The following NAPG variants were observed in gnomAD, a reference collection of about 807,000 sequenced individuals.
NAPG encodes the protein NSF attachment protein gamma, also known as gamma-soluble NSF attachment protein.
A neutral mutation model predicts 48.4 loss-of-function variants in NAPG; 25 were observed. The observed-to-expected ratio is 0.52, with a 90% CI of 0.38 to 0.72. NAPG has a LOEUF of 0.72. Ranked by LOEUF, NAPG falls within the 30% of genes least tolerant of loss-of-function variation. The pLI is 0.00. For missense variants in NAPG, 359 were observed against 372.5 expected (o/e 0.96, Z 0.30); for synonymous variants, 139 against 127.2 (o/e 1.09, Z -0.62).
rs767190093 is a variant in NAPG at position 10,540,402 on chromosome 18, A to C, written c.506+3A>C. 7.4e-6 allele frequency: 12 copies of C among 1,611,176 alleles called. 1 individual carries two copies. In the South Asian group the frequency reaches 1.3e-4, roughly 18 times the overall value. ...AGACTACTAGTACGAGGACGTAGGT[A>C]TGTCTTTAAAAACTATTGCTGTGTG... On this transcript the variant is annotated splice_donor_region_variant and intron_variant, in intron 8 of 11. Transcript: ENST00000322897.
rs570393173 is a variant in NAPG at position 10,549,832 on chromosome 18, A to G, written c.796-245A>G. On this transcript the variant is annotated intron_variant, in intron 11 of 11. Coordinates refer to ENST00000322897, the MANE Select transcript of NAPG (RefSeq NM_003826.3). ...ATAACGTCTTACATAGGTTTTGAAA[A>G]TATATATATTTCTAAAGTTTTAATT... 1.1e-4 allele frequency among the ~76,000 whole-genome samples: 16 copies of G among 152,152 alleles called. No individual in the cohort carries two copies. The South Asian group carries it at 1.2e-3, about 12-fold the overall frequency.
chr18:10,551,121 G>T lies in NAPG; in HGVS notation c.*901G>T, dbSNP rs1451959636. ...TAATTTTTTTTTTATTTTTTTTGTT[G>T]AGATGGAGTTGCTCCATGTTGCACA... On this transcript the variant is annotated 3_prime_UTR_variant, in exon 12 of 12. Coordinates refer to ENST00000322897, the MANE Select transcript of NAPG (RefSeq NM_003826.3). 9 of 148,814 alleles carry T rather than the reference G, an allele frequency of 6.0e-5. No individual in the cohort carries two copies. Among genetic ancestry groups the T allele is most frequent in the African/African-American group, 1.7e-4 (7 of 40,440 alleles). 9.2% of individuals were successfully genotyped at this position (148,814 alleles called of 1,614,324 possible). A position where few individuals can be genotyped will look rare whatever the true frequency, so the allele number is the denominator to read the frequency against.
At chr18:10,532,936 T>A in intron 3 of NAPG, 141 bp downstream of exon 3, 1 of 779,794 alleles carries the variant, frequency 1.3e-6, no homozygotes, top group Non-Finnish European at 2.0e-6. Context: ...TCTGTATTTT[T>A]AAACTATGAA....
rs2032218109 is a variant in NAPG at position 10,544,355 on chromosome 18, T to C, written c.507-1971T>C. 6.6e-6 allele frequency among the ~76,000 whole-genome samples: 1 copy of C among 152,184 alleles called. No individual in the cohort carries two copies. The highest frequency in any genetic ancestry group is 2.4e-5 in the African/African-American group (1 of 41,456). The stretch of plus-strand genomic sequence containing the variant: ...GAGCTAGGGTCTCACCAGGCCGAAA[T>C]GAAGGTGTCGGAGGGGGCTGATCTC... On this transcript the variant is annotated intron_variant, in intron 8 of 11. Coordinates refer to ENST00000322897, the MANE Select transcript of NAPG (RefSeq NM_003826.3). The surrounding 1 kb of genome is among the most constrained non-coding windows in gnomAD (Gnocchi z 5.1).
chr18:10,541,294 A>C (rs1327172650), intron 8 of NAPG, among the ~76,000 whole-genome samples: 2 of 152,226 alleles, frequency 1.3e-5, no homozygotes, highest in Non-Finnish European at 2.9e-5. Flanking sequence ...ATGGAATAGA[A>C]ATTTCATTTT....
At chr18:10,532,219 T>TA (rs140053622) in intron 2 of NAPG, among the ~76,000 whole-genome samples, 8,548 of 152,200 alleles carry the variant, frequency 0.056, 720 homozygotes, top group African/African-American at 0.18. Flanking sequence ...ATTGTTTTTT[T>TA]AAAAAAATGC....
chr18:10,534,970 A>G lies in NAPG; in HGVS notation c.258+474A>G, dbSNP rs2032002475. Among the ~76,000 whole-genome samples, 1 of 152,238 alleles carries G rather than the reference A, an allele frequency of 6.6e-6. No individual in the cohort carries two copies. Among genetic ancestry groups the G allele is most frequent in the African/African-American group, 2.4e-5 (1 of 41,466 alleles). Reference sequence around the variant, plus strand: ...CATTCTGCATGGAATATTCCAACTAATGTACCTGTGCCACTGTTTGTACTT... The same window carrying G: ...CATTCTGCATGGAATATTCCAACTAGTGTACCTGTGCCACTGTTTGTACTT... On this transcript the variant is annotated intron_variant, in intron 5 of 11. Transcript: ENST00000322897. The surrounding 1 kb of genome is among the most constrained non-coding windows in gnomAD (Gnocchi z 5.0).
At chr18:10,545,220 G>A (rs1567893354) in intron 8 of NAPG, among the ~76,000 whole-genome samples, 2 of 152,110 alleles carry the variant, frequency 1.3e-5, no homozygotes, top group African/African-American at 4.8e-5. Context: ...GCTGAGGCAA[G>A]AGAATCACTT....
Position 10,542,832 on chromosome 18 carries a change from T to C in NAPG, c.506+2433T>C, listed in dbSNP as rs966541022. Among the ~76,000 whole-genome samples, 1 of 152,190 alleles carries C rather than the reference T, an allele frequency of 6.6e-6. No individual in the cohort carries two copies. The highest frequency in any genetic ancestry group is 2.4e-5 in the African/African-American group (1 of 41,440). The stretch of plus-strand genomic sequence containing the variant: ...AATTCAGAAGTGATTCGTAGTTTCA[T>C]TTAGATTACATCTGGGAAAAGTCAG... On this transcript the variant is annotated intron_variant, in intron 8 of 11. Transcript: ENST00000322897. This position sits in a 1 kb window ranked among gnomAD's most constrained non-coding sequence, Gnocchi z 4.5.
In NAPG at chr18:10,546,374, G is replaced by C; in HGVS notation, c.555G>C (p.Lys185Asn). The C allele has an allele frequency of 1.3e-6, 2 of 1,572,354 alleles. No individual in the cohort carries two copies. The highest frequency in any genetic ancestry group is 1.7e-6 in the Non-Finnish European group (2 of 1,154,242). ...LSIQKEKNIY[K>N]EIENYPTCYK... ...TTCAGAAAGAAAAAAATATTTATAA[G>C]GAAATTGAGAATTATCCAACTTGTT... Residue 185 changes from lysine (K) to asparagine (N), a missense_variant, in exon 9 of 12, where the codon AAG (lysine) becomes AAC (asparagine). Coordinates refer to ENST00000322897, the MANE Select transcript of NAPG (RefSeq NM_003826.3). This position sits in a 1 kb window ranked among gnomAD's most constrained non-coding sequence, Gnocchi z 4.0.
chr18:10,549,223 C>T, intron 11 of NAPG, 127 bp downstream of exon 11: 1 of 1,106,290 alleles, frequency 9.0e-7, no homozygotes, highest in South Asian at 1.7e-5. Flanking sequence ...CAAGCTACTA[C>T]TCATAAGGAA....
At chr18:10,527,970 G>C (rs1292251210) in intron 1 of NAPG, among the ~76,000 whole-genome samples, 1 of 152,104 alleles carries the variant, frequency 6.6e-6, no homozygotes, top group Non-Finnish European at 1.5e-5. Context: ...TGGATCACTT[G>C]AGGTCAGGAG....
At chr18:10,533,063 G>A (rs2031962341) in intron 3 of NAPG, 1 of 367,698 alleles carries the variant, frequency 2.7e-6, no homozygotes, top group African/African-American at 2.1e-5. Flanking sequence ...ATGAAGTAAA[G>A]TAAATCTGTA....
Position 10,550,201 on chromosome 18 carries a change from A to T in NAPG, c.920A>T (p.Tyr307Phe). ...GCTGCTGATGAAGAGGAAGATGAAT[A>T]CTCAGGAGGACTATGCTAGTATTTT... The part of the protein sequence containing the change: ...ATAADEEEDE[Y>F]SGGLC Residue 307 changes from tyrosine (Y) to phenylalanine (F), a missense_variant, in exon 12 of 12, where the codon TAC becomes TTC. Coordinates refer to ENST00000322897, the MANE Select transcript of NAPG (RefSeq NM_003826.3). 6.3e-7 allele frequency: 1 copy of T among 1,587,540 alleles called. No individual in the cohort carries two copies. Among genetic ancestry groups the T allele is most frequent in the Non-Finnish European group, 8.6e-7 (1 of 1,169,102 alleles).
In NAPG at chr18:10,550,023, A is replaced by G. The variant is rs2032353823; in HGVS notation, c.796-54A>G. 11 of 1,475,688 alleles carry G rather than the reference A, an allele frequency of 7.5e-6. No individual in the cohort carries two copies. In the South Asian group the frequency reaches 1.0e-4, roughly 14 times the overall value. The allele number at this position is 1,475,688 out of a possible 1,614,324, so 91.4% of individuals were successfully genotyped here. A position where few individuals can be genotyped will look rare whatever the true frequency, so the allele number is the denominator to read the frequency against. On this transcript the variant is annotated intron_variant, in intron 11 of 11. Transcript: ENST00000322897. ...CTGTGTCTTTTTAGAGCTGAGTAAA[A>G]CATGTTAGGATTCTAGTTATCCAGC...
chr18:10,548,815 G>A lies in NAPG; in HGVS notation c.666-152G>A, dbSNP rs944997872. On this transcript the variant is annotated intron_variant, in intron 10 of 11. Coordinates refer to ENST00000322897, the MANE Select transcript of NAPG (RefSeq NM_003826.3). This position sits in a 1 kb window ranked among gnomAD's most constrained non-coding sequence, Gnocchi z 4.4. ...CTGTAGGCTGGTTAGCGGGATCCCC[G>A]GTCTCTGCCCTCTAGATGCCACTAG... 2.6e-5 allele frequency among the ~76,000 whole-genome samples: 4 copies of A among 151,970 alleles called. No individual in the cohort carries two copies. The highest frequency in any genetic ancestry group is 7.3e-5 in the African/African-American group (3 of 41,360).
At chr18:10,527,750 A>G (rs1223057502) in intron 1 of NAPG, among the ~76,000 whole-genome samples, 2 of 152,194 alleles carry the variant, frequency 1.3e-5, no homozygotes, top group South Asian at 2.1e-4. Context: ...CTCTGGGAAC[A>G]GTGAATGTAG....
chr18:10,534,606 G>A lies in NAPG; in HGVS notation c.258+110G>A, dbSNP rs1459249781. On this transcript the variant is annotated intron_variant, in intron 5 of 11. Coordinates refer to ENST00000322897, the MANE Select transcript of NAPG (RefSeq NM_003826.3). This position sits in a 1 kb window ranked among gnomAD's most constrained non-coding sequence, Gnocchi z 5.0. Reference sequence around the variant, plus strand: ...AAGCTTCCTTACTGTAAGGCAAGAGGTGCTAAGTTAAGATTTTCTGTCCAC... The same window carrying A: ...AAGCTTCCTTACTGTAAGGCAAGAGATGCTAAGTTAAGATTTTCTGTCCAC... 1.0e-6 allele frequency: 1 copy of A among 964,550 alleles called. No homozygotes were observed. The highest frequency in any genetic ancestry group is 1.6e-6 in the Non-Finnish European group (1 of 606,858). 59.7% of individuals were successfully genotyped at this position (964,550 alleles called of 1,614,324 possible).
chr18:10,549,103 G>A lies in NAPG; in HGVS notation c.795+7G>A. On this transcript the variant is annotated splice_region_variant and intron_variant, in intron 11 of 11. Coordinates refer to ENST00000322897, the MANE Select transcript of NAPG (RefSeq NM_003826.3). ...CAAGTACATGGACAATGATGTAAGTGGACCCATTTGCATAGCTTTCATCTT... is the reference window on the plus strand; with the variant it reads ...CAAGTACATGGACAATGATGTAAGTAGACCCATTTGCATAGCTTTCATCTT... 1 of 1,608,806 alleles carries A rather than the reference G, an allele frequency of 6.2e-7. No homozygotes were observed. Among genetic ancestry groups the A allele is most frequent in the Non-Finnish European group, 8.5e-7 (1 of 1,176,626 alleles).
Sources: gnomAD v4.1 joint callset for allele counts (sites outside exome capture counted in the v4.1 genomes callset) on GRCh38, gnomAD v4.1.1 for gene constraint, Gnocchi (gnomAD v3.1) non-coding constraint, MANE v1.5 for transcripts, NCBI Gene and HGNC (gene_info 2026-07-23, HGNC 2026-07-21) for gene names.